Variants in RIMS2 observed in about 807,000 individuals in gnomAD.
The protein encoded by RIMS2 is regulating synaptic membrane exocytosis 2.
In RIMS2, 59 loss-of-function variants were observed where a neutral mutation model predicts 174.4. The ratio of observed to expected loss-of-function variants is 0.34; its 90% confidence interval spans 0.27 to 0.42. RIMS2 has a LOEUF of 0.42. RIMS2 is among the 10% of genes least tolerant of loss of function. RIMS2 has a pLI of 1.00. For missense variants in RIMS2, 1,620 were observed against 1,666.3 expected, an observed-to-expected ratio of 0.97 and a Z score of 0.48; for synonymous variants, 606 against 572.5, an observed-to-expected ratio of 1.06 and a Z score of -0.84.
chr8:103,941,409 C>T (rs561535858), intron 13 of RIMS2, among the ~76,000 whole-genome samples: 1 of 152,174 alleles, frequency 6.6e-6, no homozygotes, highest in African/African-American at 2.4e-5. Context: ...ATTGCTTTAC[C>T]CTAGGAGTTT....
intron 17 of RIMS2, among the ~76,000 whole-genome samples, chr8:104,010,620 C>A (rs1284923157): frequency 6.6e-6 from 1 of 151,674 alleles, no homozygotes; most frequent in Non-Finnish European, 1.5e-5. Flanking sequence ...GGACAGTAGC[C>A]TAGATCAATT....
chr8:104,159,473 A>T (rs1291377973), intron 19 of RIMS2, among the ~76,000 whole-genome samples: 3 of 152,170 alleles, frequency 2.0e-5, no homozygotes, highest in African/African-American at 7.2e-5. Flanking sequence ...TTGAACCTAT[A>T]AATTACCTTG....
Position 103,920,962 on chromosome 8 carries a change from G to A in RIMS2, c.2084-710G>A, listed in dbSNP as rs192980623. ...TGCAGTGAGCCGAGATCACGCCACCGCACTCCAGCCTGGGCCACAGAATGA... is the reference window on the plus strand; with the variant it reads ...TGCAGTGAGCCGAGATCACGCCACCACACTCCAGCCTGGGCCACAGAATGA... On this transcript the variant is annotated intron_variant, in intron 9 of 23. Transcript: ENST00000504942. 1.3e-3 allele frequency: 383 copies of A among 284,108 alleles called. 4 individuals are homozygous for A. The highest frequency in any genetic ancestry group is 8.3e-3 in the African/African-American group (358 of 42,986). 17.6% of individuals were successfully genotyped at this position (284,108 alleles called of 1,614,324 possible).
chr8:104,038,347 A>G (rs1166053028), intron 19 of RIMS2, among the ~76,000 whole-genome samples: 2 of 151,966 alleles, frequency 1.3e-5, no homozygotes, highest in Admixed American at 1.3e-4. Flanking sequence ...TCTGTCTGAA[A>G]CAAAGATCCA....
rs2093447522 is a variant in RIMS2 at position 103,579,218 on chromosome 8, G to C, written c.176+78156G>C. On this transcript the variant is annotated intron_variant, in intron 1 of 23. Coordinates refer to ENST00000504942, the Ensembl canonical transcript of RIMS2. ...GGGAGTTCAGGACGAGGGCAGCATAGCAATACTCTCTCTCTCTCTCTCCCT... is the reference window on the plus strand; with the variant it reads ...GGGAGTTCAGGACGAGGGCAGCATACCAATACTCTCTCTCTCTCTCTCCCT... 4.8e-5 allele frequency among the ~76,000 whole-genome samples: 7 copies of C among 146,548 alleles called. No homozygotes were observed. The Admixed American group carries it at 4.8e-4, about 10-fold the overall frequency.
intron 19 of RIMS2, among the ~76,000 whole-genome samples, chr8:104,112,858 A>T (rs1244760007): frequency 6.6e-6 from 1 of 152,170 alleles, no homozygotes; most frequent in African/African-American, 2.4e-5. Flanking sequence ...CGTTTTTAAA[A>T]CTGCAGTTTT....
chr8:103,989,490 T>C, intron 17 of RIMS2, 69 bp downstream of exon 19: 1 of 788,326 alleles, frequency 1.3e-6, no homozygotes, highest in Non-Finnish European at 2.1e-6. Flanking sequence ...GGGGTTACCA[T>C]AAAATATTTT....
intron 1 of RIMS2, among the ~76,000 whole-genome samples, chr8:103,564,499 C>G (rs550100318): frequency 1.3e-5 from 2 of 152,130 alleles, no homozygotes; most frequent in Admixed American, 6.5e-5. Flanking sequence ...GTCCCAAAAC[C>G]TCAAAAGTAG....
At chr8:104,084,634 G>T (rs564046171) in intron 19 of RIMS2, among the ~76,000 whole-genome samples, 19 of 151,396 alleles carry the variant, frequency 1.3e-4, no homozygotes, top group Non-Finnish European at 2.7e-4. Context: ...CCATTTTCAT[G>T]GTTTTTTTTC....
intron 1 of RIMS2, among the ~76,000 whole-genome samples, chr8:103,544,905 C>T (rs921374582): frequency 1.3e-5 from 2 of 152,152 alleles, no homozygotes; most frequent in Non-Finnish European, 2.9e-5. Context: ...CAAAGAACAA[C>T]AACTTCAGAG....
chr8:104,126,042 C>T (rs1401727370), intron 19 of RIMS2, among the ~76,000 whole-genome samples: 1 of 152,080 alleles, frequency 6.6e-6, no homozygotes, highest in Non-Finnish European at 1.5e-5. Flanking sequence ...ACTTAGGTTT[C>T]TTGTGATTGA....
chr8:104,094,477 G>T, intron 19 of RIMS2: 1 of 618,178 alleles, frequency 1.6e-6, no homozygotes, highest in South Asian at 2.0e-5. Flanking sequence ...GCTTTCAAAA[G>T]ACCAAAGGGA....
intron 1 of RIMS2, among the ~76,000 whole-genome samples, chr8:103,558,729 G>A (rs1156878312): frequency 6.6e-6 from 1 of 152,036 alleles, no homozygotes; most frequent in Non-Finnish European, 1.5e-5. Flanking sequence ...AAAGTCAGAA[G>A]TAGGACAGAG....
intron 3 of RIMS2, among the ~76,000 whole-genome samples, chr8:103,792,842 T>G (rs1378018337): frequency 1.3e-5 from 2 of 152,000 alleles, no homozygotes; most frequent in African/African-American, 4.8e-5. Flanking sequence ...AAGAAATGGA[T>G]AAATTCCTGG....
chr8:103,535,452 A>G (rs1839315105), intron 1 of RIMS2, among the ~76,000 whole-genome samples: 1 of 152,194 alleles, frequency 6.6e-6, no homozygotes, highest in Non-Finnish European at 1.5e-5. Context: ...GCTCAAGTAT[A>G]TCTACAGGAT....
intron 13 of RIMS2, among the ~76,000 whole-genome samples, chr8:103,938,423 T>A (rs565634899): frequency 1.3e-5 from 2 of 152,144 alleles, no homozygotes; most frequent in East Asian, 3.9e-4. Flanking sequence ...TTATTCACTA[T>A]GAGGAGAACA....
At chr8:103,851,308 G>T (rs1297622540) in intron 3 of RIMS2, among the ~76,000 whole-genome samples, 1 of 151,574 alleles carries the variant, frequency 6.6e-6, no homozygotes, top group African/African-American at 2.4e-5. Context: ...ATTAAGAATT[G>T]TAAGCTATAT....
At chr8:103,864,200 T>A (rs1485084635) in intron 3 of RIMS2, among the ~76,000 whole-genome samples, 1 of 152,166 alleles carries the variant, frequency 6.6e-6, no homozygotes, top group African/African-American at 2.4e-5. Flanking sequence ...TCATTATTTT[T>A]TTTTTCTTCT....
chr8:104,126,083 C>T (rs530694356), intron 19 of RIMS2, among the ~76,000 whole-genome samples: 1 of 152,200 alleles, frequency 6.6e-6, no homozygotes, highest in East Asian at 1.9e-4. Flanking sequence ...CAGTGATTCC[C>T]CAATCTTTTT....
Sources: allele counts gnomAD v4.1 joint callset (sites outside exome capture counted in the v4.1 genomes callset), GRCh38; gene constraint gnomAD v4.1.1; transcripts MANE v1.5; gene names NCBI Gene and HGNC (gene_info 2026-07-23, HGNC 2026-07-21).